The following CD276 variants were observed in gnomAD, a reference collection of about 807,000 sequenced individuals.
The protein encoded by CD276 is CD276 antigen.
Under a neutral mutation model 50.0 loss-of-function variants are expected in CD276, and 34 were observed. That is an observed-to-expected ratio of 0.68 (90% CI 0.52 to 0.91). The LOEUF is 0.91. Ranked by LOEUF, CD276 falls within the 40% of genes least tolerant of loss-of-function variation. CD276 has a pLI of 0.00. For missense variants in CD276, 634 were observed against 717.5 expected (o/e 0.88, Z 1.33); for synonymous variants, 275 against 313.0 (o/e 0.88, Z 1.28).
At position 73,699,993 on chromosome 15, in the gene CD276, C is replaced by T. The variant is rs1274810614; in HGVS notation, c.79+275C>T. ...CCCAGGACCTTTCCACTTGCTCTTT[C>T]CTCTGCCTGGAACTTTCTGCCCCTA... On this transcript the variant is annotated intron_variant, in intron 2 of 9. Transcript: ENST00000318443. 2.0e-5 allele frequency among the ~76,000 whole-genome samples: 3 copies of T among 152,190 alleles called. No individual in the cohort carries two copies. In the East Asian group the frequency reaches 5.8e-4, roughly 29 times the overall value.
chr15:73,685,602 C>T (rs528433713), intron 1 of CD276, among the ~76,000 whole-genome samples: 99 of 151,966 alleles, frequency 6.5e-4, no homozygotes, highest in Non-Finnish European at 1.3e-3. Flanking sequence ...GCCCGGGGTC[C>T]TTTTCTTATA....
chr15:73,713,780 G>T lies in CD276; in HGVS notation c.*824G>T, dbSNP rs1901010864. On this transcript the variant is annotated 3_prime_UTR_variant, in exon 10 of 10. Transcript: ENST00000318443. ...GGGGTCTGTGATGGGGCCCCTGGGGGTCAGCTTCTGTCCCTCTGCCTTCTC... is the reference window on the plus strand; with the variant it reads ...GGGGTCTGTGATGGGGCCCCTGGGGTTCAGCTTCTGTCCCTCTGCCTTCTC... 1 of 433,076 alleles carries T rather than the reference G, an allele frequency of 2.3e-6. No homozygotes were observed. Among genetic ancestry groups the T allele is most frequent in the Non-Finnish European group, 4.6e-6 (1 of 218,966 alleles). The allele number at this position is 433,076 out of a possible 1,614,324, so 26.8% of individuals were successfully genotyped here.
rs751089402 is a variant in CD276 at position 73,709,726 on chromosome 15, A to T, written c.1546+37A>T. ...CTTGGAGCTGGCCCTCTTGGCTGGG[A>T]GAGGGACATATGGGAAAGGAGAGAG... On this transcript the variant is annotated intron_variant, in intron 8 of 9. Coordinates refer to ENST00000318443, the MANE Select transcript of CD276 (RefSeq NM_001024736.2). 8 of 1,599,802 alleles carry T rather than the reference A, an allele frequency of 5.0e-6. No individual in the cohort carries two copies. The East Asian group carries it at 1.8e-4, about 36-fold the overall frequency.
intron 4 of CD276, 88 bp from the exon 5 acceptor site, chr15:73,703,571 T>G: frequency 8.5e-6 from 9 of 1,054,276 alleles, no homozygotes. Context: ...GTCTGGGAAT[T>G]GATGGGGGAA....
chr15:73,702,271 G>A lies in CD276; in HGVS notation c.96G>A (p.Gln32=), dbSNP rs1334390353. The change falls in exon 3 of 10, where the codon CAG becomes CAA. Residue 32 remains glutamine (Q), a synonymous_variant. Transcript: ENST00000318443. ...TACCCCCAGGAGCCCTGGAGGTCCA[G>A]GTCCCTGAAGACCCAGTGGTGGCAC... ...WFCLTGALEV[Q]VPEDPVVALV... 1 of 1,610,796 alleles carries A rather than the reference G, an allele frequency of 6.2e-7. No individual in the cohort carries two copies. The highest frequency in any genetic ancestry group is 1.7e-5 in the Admixed American group (1 of 59,856).
rs1596015600 is a variant in CD276 at position 73,703,928 on chromosome 15, G to A, written c.1003G>A (p.Glu335Lys). ...LRLQRVRVAD[E>K]GSFTCFVSIR... ...GCTGCAGCGCGTGCGTGTGGCGGAC[G>A]AGGGCAGCTTCACCTGCTTCGTGAG... Residue 335 changes from glutamate (E) to lysine (K), a missense_variant, in exon 5 of 10, where the codon GAG becomes AAG. Coordinates refer to ENST00000318443, the MANE Select transcript of CD276 (RefSeq NM_001024736.2). 6 of 1,613,138 alleles carry A rather than the reference G, an allele frequency of 3.7e-6. No homozygotes were observed. The highest frequency in any genetic ancestry group is 2.2e-5 in the East Asian group (1 of 44,892).
At chr15:73,705,171 G>A (rs758196777) in intron 6 of CD276, among the ~76,000 whole-genome samples, 2 of 152,200 alleles carry the variant, frequency 1.3e-5, no homozygotes, top group Non-Finnish European at 2.9e-5. Context: ...TTCCTGGGCC[G>A]ACGTGCTCAG....
At chr15:73,690,486 A>T (rs1253877310) in intron 1 of CD276, among the ~76,000 whole-genome samples, 1 of 152,200 alleles carries the variant, frequency 6.6e-6, no homozygotes, top group East Asian at 1.9e-4. Flanking sequence ...TTTGGCTTGT[A>T]GTTCTGGAGA....
rs573414155 is a variant in CD276 at position 73,687,775 on chromosome 15, C to T, written c.-55+3315C>T. ...ACACCTTATGCCATTGGGAATCTGA[C>T]CTTCTCTAGGCATAGGGAGCTTAAT... On this transcript the variant is annotated intron_variant, in intron 1 of 9. Coordinates refer to ENST00000318443, the MANE Select transcript of CD276 (RefSeq NM_001024736.2). This position sits in a 1 kb window ranked among gnomAD's most constrained non-coding sequence, Gnocchi z 4.0. 1.3e-5 allele frequency among the ~76,000 whole-genome samples: 2 copies of T among 152,300 alleles called. No homozygotes were observed. Among genetic ancestry groups the T allele is most frequent in the African/African-American group, 4.8e-5 (2 of 41,562 alleles).
chr15:73,711,544 C>T, intron 9 of CD276: 1 of 212,170 alleles, frequency 4.7e-6, no homozygotes, highest in Non-Finnish European at 9.5e-6. Flanking sequence ...CACGCCCCCT[C>T]CAGAGCCAAG....
intron 1 of CD276, chr15:73,697,469 C>T (rs913475547): frequency 6.6e-6 from 1 of 152,122 alleles, no homozygotes; most frequent in Non-Finnish European, 1.5e-5. Context: ...GAGGTTTGCT[C>T]CGTGGAAGGG....
chr15:73,699,777 G>T (rs1461158066), intron 2 of CD276, 59 bp downstream of exon 2: 1 of 1,523,966 alleles, frequency 6.6e-7, no homozygotes, highest in Non-Finnish European at 8.8e-7. Context: ...AGTTGGGGAG[G>T]GGGTGCCCAC....
chr15:73,704,324 C>T lies in CD276; in HGVS notation c.1221C>T (p.Asn407=), dbSNP rs369412356. The change falls in exon 6 of 10, where the codon AAC becomes AAT. Residue 407 remains asparagine (N), a synonymous_variant. Transcript: ENST00000318443. The surrounding 1 kb of genome is among the most constrained non-coding windows in gnomAD (Gnocchi z 4.1). ...GGCAGGGTGTGCCCCTGACTGGCAACGTGACCACGTCGCAGATGGCCAACG... is the reference window on the plus strand; with the variant it reads ...GGCAGGGTGTGCCCCTGACTGGCAATGTGACCACGTCGCAGATGGCCAACG... The part of the protein sequence containing the change: ...QDGQGVPLTG[N]VTTSQMANEQ... 75 of 1,613,878 alleles carry T rather than the reference C, an allele frequency of 4.6e-5. No homozygotes were observed. In the East Asian group the frequency reaches 5.3e-4, roughly 12 times the overall value.
In CD276 at chr15:73,713,530, C is replaced by A; in HGVS notation, c.*574C>A. 3.5e-6 allele frequency: 1 copy of A among 288,590 alleles called. No homozygotes were observed. Among genetic ancestry groups the A allele is most frequent in the Non-Finnish European group, 6.7e-6 (1 of 150,106 alleles). The allele number at this position is 288,590 out of a possible 1,614,324, so 17.9% of individuals were successfully genotyped here. Reference sequence around the variant, plus strand: ...GGAGTCTAGAAGCTGTTTCCTTTCCCCTCCTTCCTCCTCTTGCTCTAGCCT... The same window carrying A: ...GGAGTCTAGAAGCTGTTTCCTTTCCACTCCTTCCTCCTCTTGCTCTAGCCT... On this transcript the variant is annotated 3_prime_UTR_variant, in exon 10 of 10. Coordinates refer to ENST00000318443, the MANE Select transcript of CD276 (RefSeq NM_001024736.2).
chr15:73,697,884 A>T (rs1211159027), intron 1 of CD276, among the ~76,000 whole-genome samples: 1 of 152,192 alleles, frequency 6.6e-6, no homozygotes, highest in Non-Finnish European at 1.5e-5. Flanking sequence ...TTAATTTTTT[A>T]AAGTCCTGCA....
intron 2 of CD276, among the ~76,000 whole-genome samples, 193 bp downstream of exon 2, chr15:73,699,911 G>A (rs1447009426): frequency 9.2e-5 from 14 of 152,164 alleles, no homozygotes; most frequent in Non-Finnish European, 4.4e-5. Flanking sequence ...TGTAAAATGG[G>A]AACATGAGTG....
At position 73,702,565 on chromosome 15, in the gene CD276, C is replaced by T; in HGVS notation, c.390C>T (p.Gly130=). Residue 130 remains glycine (G), a synonymous_variant, in exon 3 of 10, where the codon GGC becomes GGT. Coordinates refer to ENST00000318443, the MANE Select transcript of CD276 (RefSeq NM_001024736.2). The part of the protein sequence containing the change: ...FTCFVSIRDF[G]SAAVSLQVAA... Reference sequence around the variant, plus strand: ...GCTTCGTGAGCATCCGGGATTTCGGCAGCGCTGCCGTCAGCCTGCAGGTGG... The same window carrying T: ...GCTTCGTGAGCATCCGGGATTTCGGTAGCGCTGCCGTCAGCCTGCAGGTGG... 6.2e-7 allele frequency: 1 copy of T among 1,609,688 alleles called. No homozygotes were observed. Among genetic ancestry groups the T allele is most frequent in the Non-Finnish European group, 8.5e-7 (1 of 1,179,142 alleles).
At chr15:73,711,015 G>A in intron 8 of CD276, 120 bp from the exon 9 acceptor site, 1 of 958,260 alleles carries the variant, frequency 1.0e-6, no homozygotes, top group Non-Finnish European at 1.6e-6. Flanking sequence ...GCTATGAAGT[G>A]GTCCCACTCT....
In CD276 at chr15:73,704,722, G is replaced by A. The variant is rs1308891155; in HGVS notation, c.1369+250G>A. On this transcript the variant is annotated intron_variant, in intron 6 of 9. Coordinates refer to ENST00000318443, the MANE Select transcript of CD276 (RefSeq NM_001024736.2). The surrounding 1 kb of genome is among the most constrained non-coding windows in gnomAD (Gnocchi z 4.1). ...TTCTTATGCAGAGGACAAGGTACCT[G>A]CCCGAAATTTGGAGGCATGGGCAGG... is the stretch of plus-strand genomic sequence containing the variant. 6.6e-6 allele frequency among the ~76,000 whole-genome samples: 1 copy of A among 152,202 alleles called. No individual in the cohort carries two copies. Among genetic ancestry groups the A allele is most frequent in the Admixed American group, 6.5e-5 (1 of 15,286 alleles).
Sources: allele counts gnomAD v4.1 joint callset (sites outside exome capture counted in the v4.1 genomes callset), GRCh38; gene constraint gnomAD v4.1.1; non-coding constraint Gnocchi (gnomAD v3.1); transcripts MANE v1.5; gene names NCBI Gene and HGNC (gene_info 2026-07-23, HGNC 2026-07-21).